Variants in SMARCA2 observed in about 807,000 individuals in gnomAD.
The protein encoded by SMARCA2 is SWI/SNF-related matrix-associated actin-dependent regulator of chromatin subfamily A member 2.
In SMARCA2, 61 loss-of-function variants were observed where a neutral mutation model predicts 199.8. The ratio of observed to expected loss-of-function variants is 0.31; its 90% CI spans 0.25 to 0.38. The LOEUF (loss-of-function observed/expected upper bound fraction) is 0.38, where lower values mean the gene tolerates loss of function less well. Ranked by LOEUF, SMARCA2 falls within the 10% of genes least tolerant of loss-of-function variation. SMARCA2 has a pLI of 1.00. For missense variants in SMARCA2, 1,344 were observed against 2,012.2 expected, an observed-to-expected ratio of 0.67 and a Z score of 6.35; for synonymous variants, 935 against 732.0, an observed-to-expected ratio of 1.28 and a Z score of -4.48.
intron 3 of SMARCA2, among the ~76,000 whole-genome samples, chr9:2,033,345 G>T (rs1819160481): frequency 6.6e-6 from 1 of 152,152 alleles, no homozygotes; most frequent in Non-Finnish European, 1.5e-5. Context: ...ACTTTATCTA[G>T]AATCTTTATC....
At chr9:2,038,398 T>G (rs546171194) in intron 3 of SMARCA2, among the ~76,000 whole-genome samples, 5 of 152,306 alleles carry the variant, frequency 3.3e-5, no homozygotes, top group South Asian at 2.1e-4. Flanking sequence ...TGATTTCCTG[T>G]GCCCAGAACC....
chr9:2,109,001 A>T (rs938410842), intron 23 of SMARCA2, among the ~76,000 whole-genome samples: 2 of 152,186 alleles, frequency 1.3e-5, no homozygotes, highest in African/African-American at 4.8e-5. Context: ...TGCTGTATGC[A>T]GGGAAGTGAT....
At position 2,143,373 on chromosome 9, in the gene SMARCA2, T is replaced by G. The variant is rs187829127; in HGVS notation, c.3982-18313T>G. 7.8e-4 allele frequency among the ~76,000 whole-genome samples: 119 copies of G among 152,352 alleles called. 2 individuals carry two copies. Among genetic ancestry groups the G allele is most frequent in the Non-Finnish European group, 1.2e-4 (8 of 68,032 alleles). Reference sequence around the variant, plus strand: ...CCAAAGAATCTGGGCTTTATTCTATTTCACAGAAAGAGTTCAAAGCCTGAG... The same window carrying G: ...CCAAAGAATCTGGGCTTTATTCTATGTCACAGAAAGAGTTCAAAGCCTGAG... On this transcript the variant is annotated intron_variant, in intron 27 of 33. Transcript: ENST00000349721.
intron 25 of SMARCA2, among the ~76,000 whole-genome samples, chr9:2,118,382 T>C (rs902144825): frequency 5.3e-5 from 8 of 152,222 alleles, no homozygotes; most frequent in South Asian, 4.1e-4. Flanking sequence ...CTAACACTTA[T>C]TAAGTTCCTG....
intron 14 of SMARCA2, 99 bp from the exon 15 acceptor site, chr9:2,081,733 G>A (rs1821575463): frequency 1.0e-6 from 1 of 999,836 alleles, no homozygotes; most frequent in Non-Finnish European, 1.5e-6. Context: ...CCAACATACA[G>A]CAGTGAGGAG....
At position 2,058,193 on chromosome 9, in the gene SMARCA2, AAC is replaced by A. The variant is rs1250395324; in HGVS notation, c.1348-91_1348-90del. The A allele has an allele frequency of 1.2e-4, 122 of 1,040,580 alleles. 1 individual carries two copies. Among genetic ancestry groups the A allele is most frequent in the Admixed American group, 9.2e-4 (50 of 54,460 alleles). 64.5% of individuals were successfully genotyped at this position (1,040,580 alleles called of 1,614,324 possible). ...AGATTCTAGTCTTCCTATGCTGTTA[AAC>A]ACACACTGAGAGTTTTCTTGGACAA... On this transcript the variant is annotated intron_variant, in intron 7 of 33. Transcript: ENST00000349721.
At chr9:2,135,172 G>C (rs1164577816) in intron 27 of SMARCA2, among the ~76,000 whole-genome samples, 2 of 152,184 alleles carry the variant, frequency 1.3e-5, no homozygotes, top group Non-Finnish European at 2.9e-5. Context: ...GAAGACCTGA[G>C]AACTAGGAGC....
At chr9:2,131,804 G>T (rs1164349914) in intron 27 of SMARCA2, among the ~76,000 whole-genome samples, 2 of 152,110 alleles carry the variant, frequency 1.3e-5, no homozygotes, top group African/African-American at 4.8e-5. Flanking sequence ...GCTGGGCGTG[G>T]TGGCGGGTGC....
chr9:2,192,914 C>G lies in SMARCA2; in HGVS notation c.*175C>G. ...ATGATATCATGGTGTAAAAAACACA[C>G]ACATACACAAATATTTGTAACATAT... is the stretch of plus-strand genomic sequence containing the variant. On this transcript the variant is annotated 3_prime_UTR_variant, in exon 34 of 34. Transcript: ENST00000349721. The G allele has an allele frequency of 1.7e-6, 1 of 571,912 alleles. No individual in the cohort carries two copies. Among genetic ancestry groups the G allele is most frequent in the Non-Finnish European group, 3.1e-6 (1 of 320,358 alleles). 35.4% of individuals were successfully genotyped at this position (571,912 alleles called of 1,614,324 possible).
chr9:2,029,384 T>C, intron 2 of SMARCA2, 137 bp downstream of exon 2: 1 of 1,234,544 alleles, frequency 8.1e-7, no homozygotes, highest in Middle Eastern at 2.7e-4. Context: ...TCATATATTA[T>C]TAAAAACGCA....
chr9:2,174,269 A>T (rs773289627), intron 29 of SMARCA2, among the ~76,000 whole-genome samples: 1 of 152,204 alleles, frequency 6.6e-6, no homozygotes, highest in Non-Finnish European at 1.5e-5. Context: ...GGATTTTCTT[A>T]CAGGGCTGAC....
intron 29 of SMARCA2, among the ~76,000 whole-genome samples, chr9:2,176,304 C>G (rs1456319928): frequency 6.7e-6 from 1 of 149,908 alleles, no homozygotes; most frequent in African/African-American, 2.5e-5. Context: ...GTTTTGGCTG[C>G]TTTGAATTAT....
Position 2,029,032 on chromosome 9 carries a change from C to T in SMARCA2, c.10C>T (p.Pro4Ser). 6.4e-7 allele frequency: 1 copy of T among 1,550,500 alleles called. No homozygotes were observed. Among genetic ancestry groups the T allele is most frequent in the Non-Finnish European group, 8.7e-7 (1 of 1,147,340 alleles). Reference protein sequence around the residue: MSTPTDPGAMPHPG... With the variant: MSTSTDPGAMPHPG... ...GAGACAGGAGAGGTAGATGTCCACG[C>T]CCACAGACCCTGGTGCGATGCCCCA... The change falls in exon 2 of 34, where the codon CCC (proline) becomes TCC (serine). Residue 4 changes from proline to serine, a missense_variant. This residue lies in a region of SMARCA2 where 275 missense variants were observed against 247.5 expected (regional missense o/e 1.11). Transcript: ENST00000349721.
rs1586785481 is a variant in SMARCA2, at chr9:2,170,289, A to C, written c.4200-130A>C. The C allele has an allele frequency of 9.0e-7, 1 of 1,114,348 alleles. No homozygotes were observed. Among genetic ancestry groups the C allele is most frequent in the African/African-American group, 1.6e-5 (1 of 63,314 alleles). 69.0% of individuals were successfully genotyped at this position (1,114,348 alleles called of 1,614,324 possible). Reference sequence around the variant, plus strand: ...TGAGGTTCCAAACATAACCCCGTGTAATCTTCCTAACAAGGCAGGTTGGTG... The same window carrying C: ...TGAGGTTCCAAACATAACCCCGTGTCATCTTCCTAACAAGGCAGGTTGGTG... On this transcript the variant is annotated intron_variant, in intron 28 of 33. Coordinates refer to ENST00000349721, the MANE Select transcript of SMARCA2 (RefSeq NM_003070.5). The surrounding 1 kb of genome is among the most constrained non-coding windows in gnomAD (Gnocchi z 4.7).
chr9:2,178,684 A>ACTGT (rs375047332), intron 29 of SMARCA2, among the ~76,000 whole-genome samples: 9 of 152,112 alleles, frequency 5.9e-5, no homozygotes, highest in Non-Finnish European at 1.3e-4. Flanking sequence ...AGAATTCAGA[A>ACTGT]CTGTCAGGCT....
At chr9:2,155,125 G>T (rs1825281128) in intron 27 of SMARCA2, among the ~76,000 whole-genome samples, 1 of 152,080 alleles carries the variant, frequency 6.6e-6, no homozygotes, top group Admixed American at 6.5e-5. Flanking sequence ...TTATAATTTG[G>T]TAGGGTCTTC....
intron 21 of SMARCA2, among the ~76,000 whole-genome samples, chr9:2,098,902 G>A (rs770860796): frequency 9.9e-5 from 15 of 150,862 alleles, no homozygotes; most frequent in African/African-American, 2.4e-4. Flanking sequence ...AGCCGAGATC[G>A]CACCATTGTA....
At chr9:2,107,980 G>A (rs902560052) in intron 23 of SMARCA2, among the ~76,000 whole-genome samples, 1 of 152,152 alleles carries the variant, frequency 6.6e-6, no homozygotes, top group East Asian at 1.9e-4. Context: ...AGGAAGTGGG[G>A]TGGTGTAAGG....
chr9:2,155,928 A>T, intron 27 of SMARCA2, among the ~76,000 whole-genome samples: 1 of 151,884 alleles, frequency 6.6e-6, no homozygotes, highest in Non-Finnish European at 1.5e-5. Flanking sequence ...TGACGAATGA[A>T]ATACGAAACA....
Sources: allele counts gnomAD v4.1 joint callset (sites outside exome capture counted in the v4.1 genomes callset), GRCh38; gene constraint gnomAD v4.1.1; regional missense constraint gnomAD v4.1.1; non-coding constraint Gnocchi (gnomAD v3.1); transcripts MANE v1.5; gene names NCBI Gene and HGNC (gene_info 2026-07-23, HGNC 2026-07-21).